CDK14: variants seen among roughly 807,000 people sequenced by gnomAD.
CDK14 encodes cyclin dependent kinase 14.
In CDK14, 34 loss-of-function variants were observed where a neutral mutation model predicts 60.7. The ratio of observed to expected loss-of-function variants is 0.56; its 90% CI spans 0.43 to 0.75. The LOEUF is 0.75. Among genes scored for constraint, CDK14 ranks in the 30% least tolerant of loss-of-function variants. CDK14 has a pLI of 0.00. For missense variants in CDK14, 482 were observed against 564.1 expected (o/e 0.85, Z 1.47); for synonymous variants, 197 against 203.7 (o/e 0.97, Z 0.28).
intron 2 of CDK14, among the ~76,000 whole-genome samples, chr7:90,718,076 G>A (rs1439185284): frequency 1.3e-5 from 2 of 151,932 alleles, no homozygotes; most frequent in South Asian, 2.1e-4. Context: ...GGCATTTTTG[G>A]TTGTGACAGT....
At chr7:90,967,183 G>A (rs917990745) in intron 9 of CDK14, among the ~76,000 whole-genome samples, 3 of 149,536 alleles carry the variant, frequency 2.0e-5, no homozygotes, top group Admixed American at 6.7e-5. Flanking sequence ...AGGAGGGAAG[G>A]AAGGAAGGAA....
chr7:90,757,110 C>T (rs909902188), intron 4 of CDK14, among the ~76,000 whole-genome samples: 2 of 151,942 alleles, frequency 1.3e-5, no homozygotes, highest in Admixed American at 6.6e-5. Context: ...CTGTTCCATG[C>T]CTCTGTCCTA....
chr7:90,640,778 T>G (rs1328997068), intron 2 of CDK14, among the ~76,000 whole-genome samples: 1 of 152,116 alleles, frequency 6.6e-6, no homozygotes. Context: ...CTCTGTGGCT[T>G]ATCTTTTCAC....
rs138492480 is a variant in CDK14, at chr7:91,160,453, C to T, written c.*28+42245C>T. ...CCAGACTTAAAGAGCAGGAAAGTCCCCAATCACCATCTGGATAATATATGT... is the reference window on the plus strand; with the variant it reads ...CCAGACTTAAAGAGCAGGAAAGTCCTCAATCACCATCTGGATAATATATGT... On this transcript the variant is annotated intron_variant, in intron 14 of 14. Transcript: ENST00000380050. Among the ~76,000 whole-genome samples, 195 of 152,230 alleles carry T rather than the reference C, an allele frequency of 1.3e-3. 1 individual carries two copies. The highest frequency in any genetic ancestry group is 4.4e-3 in the African/African-American group (184 of 41,524).
chr7:91,120,594 C>A (rs1311508413), intron 14 of CDK14, among the ~76,000 whole-genome samples: 1 of 148,364 alleles, frequency 6.7e-6, no homozygotes, highest in Non-Finnish European at 1.5e-5. Context: ...AGTGAAGTGG[C>A]ATAATCTTGG....
At chr7:90,939,760 A>G (rs1435467371) in intron 8 of CDK14, among the ~76,000 whole-genome samples, 1 of 152,236 alleles carries the variant, frequency 6.6e-6, no homozygotes, top group African/African-American at 2.4e-5. Context: ...GATGATTCAG[A>G]TTGTGCATGC....
chr7:90,797,803 C>T (rs1216524560), intron 5 of CDK14, among the ~76,000 whole-genome samples: 1 of 151,860 alleles, frequency 6.6e-6, no homozygotes, highest in Non-Finnish European at 1.5e-5. Context: ...GATTTCATGA[C>T]AGCTCACTGA....
At chr7:90,984,796 C>T (rs914821756) in intron 10 of CDK14, among the ~76,000 whole-genome samples, 1 of 152,180 alleles carries the variant, frequency 6.6e-6, no homozygotes, top group African/African-American at 2.4e-5. Context: ...CCTCCCCAAA[C>T]CATAGCCCCA....
At chr7:90,733,656 G>T (rs1041367525) in intron 3 of CDK14, among the ~76,000 whole-genome samples, 3 of 152,074 alleles carry the variant, frequency 2.0e-5, no homozygotes, top group Non-Finnish European at 4.4e-5. Context: ...CTTTCCGTTT[G>T]GTTGGTAAAT....
intron 9 of CDK14, among the ~76,000 whole-genome samples, chr7:90,966,819 G>T (rs1459637813): frequency 6.6e-6 from 1 of 152,048 alleles, no homozygotes; most frequent in Non-Finnish European, 1.5e-5. Context: ...AGTTGCTGTA[G>T]GTAAATAATC....
intron 5 of CDK14, among the ~76,000 whole-genome samples, chr7:90,836,106 T>C (rs936465242): frequency 1.3e-5 from 2 of 152,188 alleles, no homozygotes; most frequent in African/African-American, 4.8e-5. Flanking sequence ...GAAGGCCTAC[T>C]ATACTACTGT....
intron 6 of CDK14, among the ~76,000 whole-genome samples, chr7:90,880,687 G>GT (rs1335680184): frequency 6.6e-6 from 1 of 152,126 alleles, no homozygotes; most frequent in Non-Finnish European, 1.5e-5. Context: ...ACTGGCATCA[G>GT]TTTGGTGCCC....
intron 6 of CDK14, among the ~76,000 whole-genome samples, chr7:90,890,181 C>T (rs1031363965): frequency 2.6e-5 from 4 of 152,138 alleles, no homozygotes; most frequent in African/African-American, 7.2e-5. Flanking sequence ...GAGACTAGCC[C>T]GGACAACATA....
chr7:90,672,067 T>C (rs1801107860), intron 2 of CDK14, among the ~76,000 whole-genome samples: 2 of 152,156 alleles, frequency 1.3e-5, no homozygotes, highest in Admixed American at 1.3e-4. Context: ...GGAGTTAATG[T>C]GGAAAGGTGA....
chr7:90,806,634 G>A lies in CDK14; in HGVS notation c.544+15982G>A, dbSNP rs149711955. Reference sequence around the variant, plus strand: ...GGAAAGTGGGTGCAGGACACTGAGTGCAGTGCACCGAGCATGAGCCAAATC... The same window carrying A: ...GGAAAGTGGGTGCAGGACACTGAGTACAGTGCACCGAGCATGAGCCAAATC... On this transcript the variant is annotated intron_variant, in intron 5 of 14. Coordinates refer to ENST00000380050, the MANE Select transcript of CDK14 (RefSeq NM_001287135.2). Among the ~76,000 whole-genome samples the A allele has an allele frequency of 1.1e-3, 167 of 152,330 alleles. 1 individual carries two copies. The highest frequency in any genetic ancestry group is 3.9e-3 in the African/African-American group (161 of 41,590).
Position 91,210,246 on chromosome 7 carries a change from A to T in CDK14, c.*3110A>T, listed in dbSNP as rs1029266865. ...ATAAAATAAGCAATCTTCTATTCTC[A>T]TTCCTTTTCCCACAGCAGCATATTT... On this transcript the variant is annotated 3_prime_UTR_variant, in exon 15 of 15. Transcript: ENST00000380050. 1 of 152,604 alleles carries T rather than the reference A, an allele frequency of 6.6e-6. No individual in the cohort carries two copies. The highest frequency in any genetic ancestry group is 3.2e-3 in the Middle Eastern group (1 of 316). The allele number at this position is 152,604 out of a possible 1,614,324, so 9.5% of individuals were successfully genotyped here. A position where few individuals can be genotyped will look rare whatever the true frequency, so the allele number is the denominator to read the frequency against.
chr7:91,179,761 C>T (rs1247322487), intron 14 of CDK14, among the ~76,000 whole-genome samples: 1 of 151,860 alleles, frequency 6.6e-6, no homozygotes, highest in African/African-American at 2.4e-5. Flanking sequence ...GGAGATTGCA[C>T]CACTGCACTC....
At chr7:90,838,636 C>T (rs189346971) in intron 5 of CDK14, among the ~76,000 whole-genome samples, 56 of 152,130 alleles carry the variant, frequency 3.7e-4, no homozygotes, top group Admixed American at 2.6e-3. Flanking sequence ...TATAGATAGC[C>T]GCTCTGGGAG....
intron 14 of CDK14, among the ~76,000 whole-genome samples, chr7:91,189,635 T>A (rs1371647031): frequency 6.6e-6 from 1 of 152,200 alleles, no homozygotes; most frequent in Non-Finnish European, 1.5e-5. Flanking sequence ...TTGGAAACTT[T>A]CCTATTGCTA....
Sources: allele counts gnomAD v4.1 joint callset (sites outside exome capture counted in the v4.1 genomes callset), GRCh38; gene constraint gnomAD v4.1.1; transcripts MANE v1.5; gene names NCBI Gene and HGNC (gene_info 2026-07-23, HGNC 2026-07-21).